Variants in CD9 observed in about 807,000 individuals in gnomAD.
CD9 encodes the protein CD9 molecule, also known as CD9 antigen.
Under a neutral mutation model 31.4 loss-of-function variants are expected in CD9, and 10 were observed. That is an observed-to-expected ratio of 0.32 (90% CI 0.20 to 0.54). CD9 has a LOEUF of 0.54. Ranked by LOEUF, CD9 falls within the 20% of genes least tolerant of loss-of-function variation. The pLI, the probability that CD9 is intolerant of heterozygous loss-of-function variation, is 0.94. For missense variants in CD9, 259 were observed against 300.1 expected (o/e 0.86, Z 1.01); for synonymous variants, 113 against 114.1 (o/e 0.99, Z 0.06).
intron 1 of CD9, among the ~76,000 whole-genome samples, chr12:6,209,396 T>G (rs369225382): frequency 2.8e-4 from 42 of 152,320 alleles, no homozygotes; most frequent in Admixed American, 6.5e-4. Flanking sequence ...GTTTTCTGGG[T>G]GGGGAGTCAT....
intron 1 of CD9, among the ~76,000 whole-genome samples, chr12:6,215,310 A>T (rs1325327039): frequency 6.6e-6 from 1 of 152,182 alleles, no homozygotes; most frequent in Non-Finnish European, 1.5e-5. Flanking sequence ...ACCCCCAGAG[A>T]GAGCTTTTCT....
In CD9 at chr12:6,205,733, C is replaced by T. The variant is rs540251561; in HGVS notation, c.66+5168C>T. On this transcript the variant is annotated intron_variant, in intron 1 of 7. Transcript: ENST00000009180. ...TAATAATACCTTGGATTGACAAAGGCGCCTTTTCTTCTAAAGAACACAAAC... is the reference window on the plus strand; with the variant it reads ...TAATAATACCTTGGATTGACAAAGGTGCCTTTTCTTCTAAAGAACACAAAC... 1.6e-4 allele frequency among the ~76,000 whole-genome samples: 25 copies of T among 152,294 alleles called. No individual in the cohort carries two copies. In the South Asian group the frequency reaches 4.4e-3, roughly 27 times the overall value.
chr12:6,216,829 A>G (rs1946247970), intron 1 of CD9, among the ~76,000 whole-genome samples: 1 of 152,144 alleles, frequency 6.6e-6, no homozygotes, highest in Admixed American at 6.5e-5. Context: ...AGGACACAAC[A>G]GCCGTCCACA....
chr12:6,222,665 C>G (rs911571166), intron 1 of CD9, among the ~76,000 whole-genome samples: 1 of 152,196 alleles, frequency 6.6e-6, no homozygotes, highest in Non-Finnish European at 1.5e-5. Context: ...GCACAGAGAC[C>G]GGATCAATGA....
intron 1 of CD9, among the ~76,000 whole-genome samples, chr12:6,221,364 C>CT (rs1565423543): frequency 6.6e-6 from 1 of 152,190 alleles, no homozygotes; most frequent in African/African-American, 2.4e-5. Context: ...GCCCGACCAG[C>CT]TGGGCATACT....
chr12:6,212,642 G>A (rs1273178265), intron 1 of CD9, among the ~76,000 whole-genome samples: 1 of 152,240 alleles, frequency 6.6e-6, no homozygotes, highest in Non-Finnish European at 1.5e-5. Context: ...CACCAACAAT[G>A]CAGGCAGCTC....
At chr12:6,210,114 G>C (rs1946178647) in intron 1 of CD9, among the ~76,000 whole-genome samples, 2 of 152,100 alleles carry the variant, frequency 1.3e-5, no homozygotes, top group East Asian at 3.9e-4. Context: ...CTCGTGCCCA[G>C]GGCTATAACA....
chr12:6,231,441 A>G (rs903711656), intron 2 of CD9, among the ~76,000 whole-genome samples: 5 of 152,228 alleles, frequency 3.3e-5, no homozygotes, highest in South Asian at 2.1e-4. Context: ...CCAAGGCTAG[A>G]TAGAACATGC....
intron 1 of CD9, among the ~76,000 whole-genome samples, chr12:6,216,832 C>T (rs1248780271): frequency 1.3e-5 from 2 of 152,206 alleles, no homozygotes; most frequent in Admixed American, 6.5e-5. Context: ...ACACAACAGC[C>T]GTCCACAGAG....
chr12:6,217,072 AGT>A, intron 1 of CD9, among the ~76,000 whole-genome samples: 1 of 152,276 alleles, frequency 6.6e-6, no homozygotes, highest in Non-Finnish European at 1.5e-5. Context: ...AGCTGAGGAA[AGT>A]GTGTAGTGTC....
intron 1 of CD9, among the ~76,000 whole-genome samples, chr12:6,222,265 C>T (rs909567505): frequency 1.3e-5 from 2 of 152,164 alleles, no homozygotes; most frequent in African/African-American, 2.4e-5. Context: ...CCCCCCCGGC[C>T]GGTGAACTCA....
At chr12:6,206,080 T>A (rs1007515327) in intron 1 of CD9, 1 of 149,610 alleles carries the variant, frequency 6.7e-6, no homozygotes, top group Admixed American at 6.7e-5. Flanking sequence ...AGTCTGAAAA[T>A]CTGGGTGAGA....
At position 6,200,434 on chromosome 12, in the gene CD9, C is replaced by G. The variant is rs1044041608; in HGVS notation, c.-66C>G. The G allele has an allele frequency of 8.5e-6, 9 of 1,057,086 alleles. No homozygotes were observed. Among genetic ancestry groups the G allele is most frequent in the Admixed American group, 3.5e-5 (2 of 57,884 alleles). 65.5% of individuals were successfully genotyped at this position (1,057,086 alleles called of 1,614,324 possible). A position where few individuals can be genotyped will look rare whatever the true frequency, so the allele number is the denominator to read the frequency against. On this transcript the variant is annotated 5_prime_UTR_variant, in exon 1 of 8. Coordinates refer to ENST00000009180, the MANE Select transcript of CD9 (RefSeq NM_001769.4). ...CATCTGTATCCAGCGCCAGGTCCCG[C>G]CAGTCCCAGCTGCGCGCGCCCCCCA...
Position 6,207,277 on chromosome 12 carries a change from G to A in CD9, c.66+6712G>A, listed in dbSNP as rs147070050. Among the ~76,000 whole-genome samples, 1,380 of 152,308 alleles carry A rather than the reference G, an allele frequency of 9.1e-3. 4 individuals carry two copies. The highest frequency in any genetic ancestry group is 0.013 in the Non-Finnish European group (906 of 68,020). ...GAGTCCCATATTTCTGCCATAAGAA[G>A]CAGGTTGCCTCACCGTTCCCCGGGG... is the stretch of plus-strand genomic sequence containing the variant. On this transcript the variant is annotated intron_variant, in intron 1 of 7. Transcript: ENST00000009180.
At chr12:6,236,881 C>T (rs562982139) in intron 7 of CD9, 54 of 196,896 alleles carry the variant, frequency 2.7e-4, no homozygotes, top group African/African-American at 1.1e-3. Context: ...AAGAGAGAAT[C>T]GCCTCCTTTC....
At chr12:6,228,461 A>G (rs945674453) in intron 2 of CD9, among the ~76,000 whole-genome samples, 9 of 151,236 alleles carry the variant, frequency 6.0e-5, no homozygotes, top group African/African-American at 1.7e-4. Flanking sequence ...CTGAGGCACA[A>G]GAATCTCTTG....
At chr12:6,227,203 T>A (rs972963254) in intron 2 of CD9, among the ~76,000 whole-genome samples, 8 of 150,728 alleles carry the variant, frequency 5.3e-5, no homozygotes, top group Non-Finnish European at 1.0e-4. Flanking sequence ...TTTATTTTTT[T>A]TATTTTTTTT....
chr12:6,207,435 T>C (rs918917224), intron 1 of CD9, among the ~76,000 whole-genome samples: 3 of 152,228 alleles, frequency 2.0e-5, no homozygotes, highest in Non-Finnish European at 4.4e-5. Context: ...AATCATTGCC[T>C]AAGGAGTGGT....
At chr12:6,214,618 T>A (rs1012058437) in intron 1 of CD9, among the ~76,000 whole-genome samples, 1 of 152,136 alleles carries the variant, frequency 6.6e-6, no homozygotes, top group African/African-American at 2.4e-5. Context: ...CCCAAAGTGC[T>A]AGGTCAGGTC....
Sources: allele counts gnomAD v4.1 joint callset (sites outside exome capture counted in the v4.1 genomes callset), GRCh38; gene constraint gnomAD v4.1.1; transcripts MANE v1.5; gene names NCBI Gene and HGNC (gene_info 2026-07-23, HGNC 2026-07-21).